The following PLAAT3 variants were observed in gnomAD, a reference collection of about 807,000 sequenced individuals.
The protein encoded by PLAAT3 is phospholipase A and acyltransferase 3.
In PLAAT3, 21 loss-of-function variants were observed where a neutral mutation model predicts 16.7. The ratio of observed to expected loss-of-function variants is 1.26; its 90% CI spans 0.89 to 1.81. PLAAT3 has a LOEUF of 1.81. Ranked by LOEUF, PLAAT3 falls within the 40% of genes most tolerant of loss-of-function variation. The pLI is 0.00. For synonymous variants in PLAAT3, 76 were observed against 81.7 expected, an observed-to-expected ratio of 0.93 and a Z score of 0.38; for missense variants, 219 against 213.7, an observed-to-expected ratio of 1.02 and a Z score of -0.16.
intron 2 of PLAAT3, among the ~76,000 whole-genome samples, chr11:63,607,728 T>C (rs942768294): frequency 1.2e-4 from 18 of 151,584 alleles, no homozygotes; most frequent in Non-Finnish European, 2.4e-4. Context: ...GTAGCCTTTA[T>C]GGAGATGTAC....
chr11:63,599,947 A>ACC (rs1206400850), intron 2 of PLAAT3, among the ~76,000 whole-genome samples: 1 of 152,134 alleles, frequency 6.6e-6, no homozygotes, highest in Non-Finnish European at 1.5e-5. Context: ...CCACATAAAC[A>ACC]CCAATGAGAG....
intron 2 of PLAAT3, 39 bp from the exon 3 acceptor site, chr11:63,598,202 G>T: frequency 7.0e-7 from 1 of 1,421,046 alleles, no homozygotes; most frequent in Non-Finnish European, 1.0e-6. Context: ...GGGAGCATGA[G>T]ATCGTGGAAC....
chr11:63,600,665 C>T (rs563950999), intron 2 of PLAAT3, among the ~76,000 whole-genome samples: 12 of 151,680 alleles, frequency 7.9e-5, no homozygotes, highest in South Asian at 6.2e-4. Flanking sequence ...TGCAGTGGTG[C>T]GATCTCGGCT....
intron 4 of PLAAT3, among the ~76,000 whole-genome samples, chr11:63,585,191 A>AT (rs1937939285): frequency 6.6e-6 from 1 of 151,584 alleles, no homozygotes; most frequent in African/African-American, 2.4e-5. Flanking sequence ...CGCCCAGCTA[A>AT]TTTTTGTATT....
intron 4 of PLAAT3, among the ~76,000 whole-genome samples, chr11:63,577,448 G>A (rs1020193903): frequency 9.2e-5 from 14 of 152,092 alleles, no homozygotes; most frequent in African/African-American, 3.4e-4. Context: ...AGGATTACAG[G>A]CGTGAGCCGC....
At chr11:63,588,350 G>A (rs1326669677) in intron 4 of PLAAT3, among the ~76,000 whole-genome samples, 2 of 152,130 alleles carry the variant, frequency 1.3e-5, no homozygotes, top group Non-Finnish European at 2.9e-5. Context: ...GATTACAGGT[G>A]CGAGCCACTG....
chr11:63,606,730 G>GC (rs1938575665), intron 2 of PLAAT3, among the ~76,000 whole-genome samples: 1 of 152,222 alleles, frequency 6.6e-6, no homozygotes, highest in African/African-American at 2.4e-5. Flanking sequence ...GCGTGTCTGA[G>GC]CAACAGCAAG....
chr11:63,608,131 G>A (rs568668637), intron 2 of PLAAT3, among the ~76,000 whole-genome samples: 3 of 152,222 alleles, frequency 2.0e-5, no homozygotes, highest in Admixed American at 6.5e-5. Context: ...GCAGTGAGCC[G>A]AGATCGTGCC....
chr11:63,600,549 T>C (rs753712540), intron 2 of PLAAT3, among the ~76,000 whole-genome samples: 2 of 151,832 alleles, frequency 1.3e-5, no homozygotes, highest in Non-Finnish European at 2.9e-5. Flanking sequence ...AGGGGTAAAA[T>C]TTCTATACTC....
At chr11:63,589,971 A>C in intron 4 of PLAAT3, 129 bp downstream of exon 4, 3 of 806,734 alleles carry the variant, frequency 3.7e-6, no homozygotes, top group Non-Finnish European at 3.9e-6. Context: ...CCCAACTGTG[A>C]CATCCTCAAG....
intron 4 of PLAAT3, among the ~76,000 whole-genome samples, chr11:63,582,159 C>A (rs964634734): frequency 6.6e-6 from 1 of 152,232 alleles, no homozygotes; most frequent in Non-Finnish European, 1.5e-5. Context: ...GCCATAACCA[C>A]TATCCTCTCC....
chr11:63,593,649 G>T (rs1182660617), intron 3 of PLAAT3, among the ~76,000 whole-genome samples: 2 of 123,990 alleles, frequency 1.6e-5, no homozygotes, highest in Admixed American at 1.9e-4. Flanking sequence ...GTTCACTGCA[G>T]CCTCCGCCTC....
At chr11:63,581,162 T>C (rs1164035722) in intron 4 of PLAAT3, among the ~76,000 whole-genome samples, 1 of 152,130 alleles carries the variant, frequency 6.6e-6, no homozygotes, top group African/African-American at 2.4e-5. Flanking sequence ...GTTTGAACAA[T>C]ACGAAATCAG....
intron 3 of PLAAT3, among the ~76,000 whole-genome samples, chr11:63,593,208 A>G (rs1590690957): frequency 6.6e-6 from 1 of 152,240 alleles, no homozygotes; most frequent in Admixed American, 6.5e-5. Flanking sequence ...CAATGAACAA[A>G]TACACAAAAT....
At chr11:63,576,528 GA>G (rs2017663878) in intron 4 of PLAAT3, among the ~76,000 whole-genome samples, 1 of 152,094 alleles carries the variant, frequency 6.6e-6, no homozygotes, top group Non-Finnish European at 1.5e-5. Context: ...GGCTGAGGCA[GA>G]AAAAAATCAC....
chr11:63,586,346 G>C (rs550838371), intron 4 of PLAAT3, among the ~76,000 whole-genome samples: 3 of 151,992 alleles, frequency 2.0e-5, no homozygotes, highest in Non-Finnish European at 4.4e-5. Context: ...GTTGGCCAGG[G>C]TGGTCTCAAA....
rs2017636347 is a variant in PLAAT3, at chr11:63,574,771, G to A, written c.*174C>T. 2 of 598,794 alleles carry A rather than the reference G, an allele frequency of 3.3e-6. No individual in the cohort carries two copies. The highest frequency in any genetic ancestry group is 6.0e-6 in the Non-Finnish European group (2 of 333,520). The allele number at this position is 598,794 out of a possible 1,614,324, so 37.1% of individuals were successfully genotyped here. ...CCCTGAACAGACTTCACACCAGGCA[G>A]TTCTTGCTGCACTTCCCCCAATAAA... On this transcript the variant is annotated 3_prime_UTR_variant, in exon 5 of 5. Transcript: ENST00000415826.
rs1054640094 is a variant in PLAAT3 at position 63,614,421 on chromosome 11, T to C, written c.-91A>G. On this transcript the variant is annotated 5_prime_UTR_variant, in exon 1 of 5. Transcript: ENST00000415826. ...GGAGGCAGCGCTGCAGCCCCAGCAA[T>C]TGGACCGGGTCTAATGGCCGCGGTG... 1.6e-5 allele frequency: 3 copies of C among 189,928 alleles called. No individual in the cohort carries two copies. The highest frequency in any genetic ancestry group is 1.3e-4 in the East Asian group (1 of 7,586). 11.8% of individuals were successfully genotyped at this position (189,928 alleles called of 1,614,324 possible).
intron 1 of PLAAT3, 100 bp from the exon 2 acceptor site, chr11:63,614,168 GCCTCGGACCCCAGGAACAACCA>G: frequency 1.0e-6 from 1 of 992,158 alleles, no homozygotes; most frequent in Non-Finnish European, 1.5e-6. Flanking sequence ...TGAGAGGCGC[GCCTCGGACCCCAGGAACAACCA>G]CCTCGCTCCC....
Sources: allele counts gnomAD v4.1 joint callset (sites outside exome capture counted in the v4.1 genomes callset), GRCh38; gene constraint gnomAD v4.1.1; transcripts MANE v1.5; gene names NCBI Gene and HGNC (gene_info 2026-07-23, HGNC 2026-07-21).